The following RFC3 variants were observed in gnomAD, a reference collection of about 807,000 sequenced individuals.
The protein encoded by RFC3 is A1 38 kDa subunit.
In RFC3, 41 loss-of-function variants were observed where a neutral mutation model predicts 45.1. The observed-to-expected ratio is 0.91, with a 90% CI of 0.71 to 1.18. The LOEUF (loss-of-function observed/expected upper bound fraction) is 1.18. RFC3 is among the 50% of genes most tolerant of loss of function. The pLI, the probability that RFC3 is intolerant of heterozygous loss-of-function variation, is 0.00. For synonymous variants in RFC3, 149 were observed against 144.0 expected (o/e 1.03, Z -0.25); for missense variants, 423 against 428.1 (o/e 0.99, Z 0.10).
chr13:33,879,057 C>G (rs563584866), intron 8 of RFC3, among the ~76,000 whole-genome samples: 13 of 152,042 alleles, frequency 8.6e-5, no homozygotes, highest in South Asian at 2.1e-4. Flanking sequence ...TAGCATAGGT[C>G]CCTATAAATT....
At position 33,823,924 on chromosome 13, in the gene RFC3, C is replaced by T. The variant is rs777352339; in HGVS notation, c.233C>T (p.Ser78Phe). The T allele has an allele frequency of 6.5e-7, 1 of 1,530,428 alleles. No individual in the cohort carries two copies. The highest frequency in any genetic ancestry group is 1.2e-5 in the South Asian group (1 of 85,570). The allele number at this position is 1,530,428 out of a possible 1,614,324, so 94.8% of individuals were successfully genotyped here. A position where few individuals can be genotyped will look rare whatever the true frequency, so the allele number is the denominator to read the frequency against. The change falls in exon 3 of 9, where the codon TCT becomes TTT. Residue 78 changes from serine (S) to phenylalanine (F), a missense_variant. Ser to Phe is a radical substitution (Grantham distance 155, BLOSUM62 -2). Transcript: ENST00000380071. ...CTTTTTCTTTGTCCACAGACTCCAT[C>T]TAAAAAAAAAATTGAAATTAGCACC... ...RIEHQTITTPSKKKIEISTIA... is the reference protein window; with the variant it reads ...RIEHQTITTPFKKKIEISTIA...
chr13:33,923,950 C>T (rs969810929), intron 8 of RFC3, among the ~76,000 whole-genome samples: 16 of 152,128 alleles, frequency 1.1e-4, no homozygotes, highest in Non-Finnish European at 2.2e-4. Context: ...GGAGTTATCT[C>T]TGAAGGCTTG....
downstream of RFC3, among the ~76,000 whole-genome samples, chr13:33,841,227 G>T (rs540289615): frequency 6.6e-6 from 1 of 152,298 alleles, no homozygotes; most frequent in East Asian, 1.9e-4. Flanking sequence ...CAGCCTTCTG[G>T]GGTCCATGGA....
At chr13:33,969,407 C>G (rs1054379722), downstream of RFC3, among the ~76,000 whole-genome samples, 1 of 152,194 alleles carries the variant, frequency 6.6e-6, no homozygotes, top group African/African-American at 2.4e-5. Context: ...GCACCTTGTT[C>G]GTTGCTCCCA....
chr13:33,846,455 A>G, intron 8 of RFC3: 1 of 152,234 alleles, frequency 6.6e-6, no homozygotes, highest in East Asian at 1.9e-4. Context: ...GTGCTGTCCT[A>G]CTGTGGCTGA....
chr13:33,868,141 G>T (rs1444461308), intron 8 of RFC3, among the ~76,000 whole-genome samples: 1 of 152,174 alleles, frequency 6.6e-6, no homozygotes, highest in African/African-American at 2.4e-5. Context: ...GTTTTTAAGT[G>T]AAGAACATAT....
chr13:33,950,166 A>G (rs370454099), intron 8 of RFC3, among the ~76,000 whole-genome samples: 9 of 152,146 alleles, frequency 5.9e-5, no homozygotes, highest in African/African-American at 2.2e-4. Flanking sequence ...ATTTAATTCC[A>G]TAGAATATTA....
At position 33,833,357 on chromosome 13, in the gene RFC3, A is replaced by C. The variant is rs2139417953; in HGVS notation, c.810-1791A>C. On this transcript the variant is annotated intron_variant, in intron 7 of 8. Transcript: ENST00000380071. The stretch of plus-strand genomic sequence containing the variant: ...ATAACACACCTATGAGAAAAATATT[A>C]ACTTTTTAGATTAAAAAAAAAACCC... Among the ~76,000 whole-genome samples, 2 of 152,180 alleles carry C rather than the reference A, an allele frequency of 1.3e-5. 1 individual carries two copies. Among genetic ancestry groups the C allele is most frequent in the South Asian group, 4.2e-4 (2 of 4,810 alleles).
At chr13:33,884,868 G>A (rs1043692476) in intron 8 of RFC3, among the ~76,000 whole-genome samples, 1 of 152,162 alleles carries the variant, frequency 6.6e-6, no homozygotes, top group African/African-American at 2.4e-5. Flanking sequence ...GAAAGAAAAA[G>A]AGAAAGGAGT....
chr13:33,818,846 C>G (rs1268949847), intron 1 of RFC3, among the ~76,000 whole-genome samples: 1 of 147,668 alleles, frequency 6.8e-6, no homozygotes, highest in Non-Finnish European at 1.5e-5. Context: ...GTTTCTAATT[C>G]TCAAATAAAT....
At chr13:33,885,398 C>A (rs941794171) in intron 8 of RFC3, among the ~76,000 whole-genome samples, 1 of 152,026 alleles carries the variant, frequency 6.6e-6, no homozygotes, top group African/African-American at 2.4e-5. Flanking sequence ...GCATATACTG[C>A]ATAGTGATAA....
In RFC3 at chr13:33,820,377, C is replaced by G. The variant is rs3135553; in HGVS notation, c.88-755C>G. On this transcript the variant is annotated intron_variant, in intron 1 of 8. Transcript: ENST00000380071. ...CTGGAATTAATGCTCTTTCTTTTCC[C>G]CCATCCACTTTTCTAAGCAGGCTTC... Among the ~76,000 whole-genome samples the G allele has an allele frequency of 3.7e-3, 556 of 152,284 alleles. 6 individuals are homozygous for G. Among genetic ancestry groups the G allele is most frequent in the African/African-American group, 0.013 (540 of 41,550 alleles).
At chr13:33,833,148 A>G (rs1430396493) in intron 7 of RFC3, among the ~76,000 whole-genome samples, 1 of 152,160 alleles carries the variant, frequency 6.6e-6, no homozygotes, top group East Asian at 1.9e-4. Flanking sequence ...TATCTTTCTG[A>G]TCACTGGGCT....
At chr13:33,875,721 T>C (rs1434941222) in intron 8 of RFC3, among the ~76,000 whole-genome samples, 1 of 152,128 alleles carries the variant, frequency 6.6e-6, no homozygotes, top group Non-Finnish European at 1.5e-5. Flanking sequence ...TGGGCACTGA[T>C]CCACCAAGCC....
At chr13:33,869,899 A>G (rs946911979) in intron 8 of RFC3, among the ~76,000 whole-genome samples, 2 of 152,210 alleles carry the variant, frequency 1.3e-5, no homozygotes, top group Non-Finnish European at 2.9e-5. Flanking sequence ...GAGCAAGTTG[A>G]GCAAGATGGT....
At chr13:33,941,295 G>C (rs373745087) in intron 8 of RFC3, among the ~76,000 whole-genome samples, 1 of 151,586 alleles carries the variant, frequency 6.6e-6, no homozygotes, top group Admixed American at 6.6e-5. Context: ...ATGTGTCTGC[G>C]CACCTAATCC....
At chr13:33,916,206 T>C (rs531176249) in intron 8 of RFC3, among the ~76,000 whole-genome samples, 2 of 152,324 alleles carry the variant, frequency 1.3e-5, no homozygotes, top group South Asian at 4.1e-4. Context: ...GCCATTTGCA[T>C]GTTGTATAGT....
At chr13:33,960,114 C>T (rs563199772) in intron 8 of RFC3, among the ~76,000 whole-genome samples, 1 of 152,172 alleles carries the variant, frequency 6.6e-6, no homozygotes, top group South Asian at 2.1e-4. Context: ...CCCCCATGAT[C>T]CAGTCACCTC....
chr13:33,935,395 C>G (rs2082879832), intron 8 of RFC3, among the ~76,000 whole-genome samples: 1 of 152,128 alleles, frequency 6.6e-6, no homozygotes, highest in Non-Finnish European at 1.5e-5. Context: ...AATAATATCC[C>G]AAGCTGCTTG....
Sources: gnomAD v4.1 joint callset for allele counts (sites outside exome capture counted in the v4.1 genomes callset) on GRCh38, gnomAD v4.1.1 for gene constraint, MANE v1.5 for transcripts, NCBI Gene and HGNC (gene_info 2026-07-23, HGNC 2026-07-21) for gene names.